The following SASH1 variants were observed in gnomAD, a reference collection of about 807,000 sequenced individuals.
SASH1 encodes the protein SAM and SH3 domain containing 1.
A neutral mutation model predicts 125.2 loss-of-function variants in SASH1; 44 were observed. The ratio of observed to expected loss-of-function variants is 0.35; its 90% confidence interval spans 0.28 to 0.45. The LOEUF is 0.45. SASH1 is among the 20% of genes least tolerant of loss of function. The pLI, the probability that SASH1 is intolerant of heterozygous loss-of-function variation, is 1.00. For synonymous variants in SASH1, 639 were observed against 649.1 expected, an observed-to-expected ratio of 0.98 and a Z score of 0.24; for missense variants, 1,426 against 1,614.5, an observed-to-expected ratio of 0.88 and a Z score of 2.00.
chr6:148,341,746 G>A (rs959312035), upstream of SASH1, among the ~76,000 whole-genome samples: 31 of 151,712 alleles, frequency 2.0e-4, no homozygotes, highest in Middle Eastern at 3.4e-3. Context: ...AAACAAGCAG[G>A]GCTCTCTCCC....
At chr6:148,329,626 G>T (rs1780930697) in intron 1 of SASH1, among the ~76,000 whole-genome samples, 1 of 152,148 alleles carries the variant, frequency 6.6e-6, no homozygotes, top group Admixed American at 6.6e-5. Context: ...GCCTTTGTGT[G>T]TGTGAGTGTG....
chr6:148,382,181 A>G (rs963752021), intron 1 of SASH1, among the ~76,000 whole-genome samples: 2 of 152,152 alleles, frequency 1.3e-5, no homozygotes, highest in Admixed American at 1.3e-4. Flanking sequence ...CAGCTTCCAC[A>G]TGGTGTCACT....
intron 1 of SASH1, among the ~76,000 whole-genome samples, chr6:148,359,323 C>T (rs1323368388): frequency 2.5e-5 from 2 of 78,630 alleles, no homozygotes; most frequent in Non-Finnish European, 5.1e-5. Context: ...TGTGCTTGGC[C>T]GGTTTTTTTT....
intron 17 of SASH1, among the ~76,000 whole-genome samples, chr6:148,542,879 T>TGTGTGTGCGC (rs1491203431): frequency 1.4e-5 from 2 of 138,910 alleles, no homozygotes; most frequent in South Asian, 4.7e-4. Context: ...TGTGTGTGTG[T>TGTGTGTGCGC]GCGCGCGCAC....
intron 1 of SASH1, among the ~76,000 whole-genome samples, chr6:148,364,910 G>T (rs979591846): frequency 6.6e-6 from 1 of 152,116 alleles, no homozygotes; most frequent in Non-Finnish European, 1.5e-5. Flanking sequence ...ATCACCTGAG[G>T]TCAGGAGTGG....
intron 1 of SASH1, among the ~76,000 whole-genome samples, chr6:148,360,636 A>ACCCC (rs67278438): frequency 0.044 from 5,443 of 123,874 alleles, 166 homozygotes; most frequent in East Asian, 0.093. Context: ...GGCGTGAGCC[A>ACCCC]CCCCCCCGCC....
Position 148,544,039 on chromosome 6 carries a change from G to T in SASH1, c.2569G>T (p.Val857Leu), listed in dbSNP as rs1443299120. The T allele has an allele frequency of 6.2e-7, 1 of 1,613,980 alleles. No homozygotes were observed. The highest frequency in any genetic ancestry group is 1.3e-5 in the African/African-American group (1 of 74,904). ...PGAEQDVPTE[V>L]TEPPPQIVPE... Reference sequence around the variant, plus strand: ...TGCTGAGCAAGACGTGCCTACCGAGGTGACAGAACCGCCCCCTCAGATTGT... The same window carrying T: ...TGCTGAGCAAGACGTGCCTACCGAGTTGACAGAACCGCCCCCTCAGATTGT... The change falls in exon 18 of 20, where the codon GTG (valine) becomes TTG (leucine). Residue 857 changes from valine (V) to leucine (L), a missense_variant. By Grantham distance (32) the Val-to-Leu change is conservative. Around this residue, in one of 3 missense-constraint regions of SASH1, gnomAD observed 634 missense variants for 694.4 expected, o/e 0.91. Coordinates refer to ENST00000367467, the MANE Select transcript of SASH1 (RefSeq NM_015278.5). The surrounding 1 kb of genome is among the most constrained non-coding windows in gnomAD (Gnocchi z 6.4).
At chr6:148,349,715 A>G (rs1407596398) in intron 1 of SASH1, among the ~76,000 whole-genome samples, 1 of 152,108 alleles carries the variant, frequency 6.6e-6, no homozygotes, top group Non-Finnish European at 1.5e-5. Flanking sequence ...GAGGCCCAAC[A>G]CTTTGTACAG....
At chr6:148,400,166 A>G (rs1784116084) in intron 2 of SASH1, among the ~76,000 whole-genome samples, 1 of 152,188 alleles carries the variant, frequency 6.6e-6, no homozygotes, top group African/African-American at 2.4e-5. Flanking sequence ...TTTAGCGGTG[A>G]TGTCAACAGT....
intron 8 of SASH1, among the ~76,000 whole-genome samples, chr6:148,506,244 C>A (rs929029216): frequency 6.6e-6 from 1 of 151,700 alleles, no homozygotes; most frequent in African/African-American, 2.4e-5. Flanking sequence ...GAGGCCAAGG[C>A]AGGCAGATCA....
Position 148,545,200 on chromosome 6 carries a change from A to G in SASH1, c.3348+382A>G, listed in dbSNP as rs186357792. On this transcript the variant is annotated intron_variant, in intron 18 of 19. Coordinates refer to ENST00000367467, the MANE Select transcript of SASH1 (RefSeq NM_015278.5). ...TTGTACCAAAAACATTTAGCTGTAT[A>G]ATGAAAAATTATTTCTCATTCAAAA... Among the ~76,000 whole-genome samples, 5 of 152,346 alleles carry G rather than the reference A, an allele frequency of 3.3e-5. No homozygotes were observed. The East Asian group carries it at 9.6e-4, about 29-fold the overall frequency.
chr6:148,336,001 T>C (rs1781142710), intron 1 of SASH1, among the ~76,000 whole-genome samples: 1 of 152,138 alleles, frequency 6.6e-6, no homozygotes, highest in African/African-American at 2.4e-5. Flanking sequence ...AATTATAATT[T>C]ATCAAGGTGC....
rs369379330 is a variant in SASH1, at chr6:148,343,205, C to T, written c.138C>T (p.Thr46=). 10 of 1,596,944 alleles carry T rather than the reference C, an allele frequency of 6.3e-6. No homozygotes were observed. In the African/African-American group the frequency reaches 1.2e-4, roughly 19 times the overall value. The change falls in exon 1 of 20, where the codon ACC becomes ACT. Residue 46 remains threonine (T), a synonymous_variant. Transcript: ENST00000367467. ...GTSEAFSRLW[T]DVMGILDGSL... ...CCGAGGCGTTCTCCCGACTCTGGAC[C>T]GACGTGATGGGTATCCTGGTAAGTT...
chr6:148,304,381 G>A (rs891052586), intron 1 of SASH1, among the ~76,000 whole-genome samples: 2 of 150,888 alleles, frequency 1.3e-5, no homozygotes, highest in Admixed American at 1.3e-4. Context: ...CTTGCAGTGA[G>A]CCAAGATCGC....
Position 148,390,387 on chromosome 6 carries a change from G to C in SASH1, c.285+125G>C, listed in dbSNP as rs1583071278. 7 of 918,978 alleles carry C rather than the reference G, an allele frequency of 7.6e-6. No homozygotes were observed. In the East Asian group the frequency reaches 2.0e-4, roughly 26 times the overall value. 56.9% of individuals were successfully genotyped at this position (918,978 alleles called of 1,614,324 possible). The stretch of plus-strand genomic sequence containing the variant: ...AATCTGTAGGCTGCTGCACTAGTGT[G>C]GGGTAGAATGTTCAGGTCCCTAAAA... On this transcript the variant is annotated intron_variant, in intron 2 of 19. Transcript: ENST00000367467.
At chr6:148,278,295 C>A (rs1326604158) in intron 1 of SASH1, among the ~76,000 whole-genome samples, 1 of 152,178 alleles carries the variant, frequency 6.6e-6, no homozygotes, top group Non-Finnish European at 1.5e-5. Context: ...CCTTGGCCTA[C>A]CAAAGTGCTG....
intron 17 of SASH1, among the ~76,000 whole-genome samples, chr6:148,541,107 A>G (rs1782190563): frequency 6.6e-6 from 1 of 151,940 alleles, no homozygotes; most frequent in African/African-American, 2.4e-5. Context: ...GCTAAACGTT[A>G]CCATGGATGG....
chr6:148,452,816 A>G (rs1777166130), intron 4 of SASH1, among the ~76,000 whole-genome samples: 1 of 152,180 alleles, frequency 6.6e-6, no homozygotes, highest in South Asian at 2.1e-4. Flanking sequence ...ATCACTGGCC[A>G]TGGTCCCCTA....
the SASH1 span, among the ~76,000 whole-genome samples, chr6:148,257,346 C>G: frequency 3.9e-5 from 6 of 152,108 alleles, no homozygotes; most frequent in African/African-American, 1.4e-4. Context: ...TGGCCTAGAG[C>G]TTTTTTAAGG....
Sources: gnomAD v4.1 joint callset for allele counts (sites outside exome capture counted in the v4.1 genomes callset) on GRCh38, gnomAD v4.1.1 for gene constraint, gnomAD v4.1.1 regional missense constraint, Gnocchi (gnomAD v3.1) non-coding constraint, MANE v1.5 for transcripts, NCBI Gene and HGNC (gene_info 2026-07-23, HGNC 2026-07-21) for gene names.